The following NBEA variants were observed in gnomAD, a reference collection of about 807,000 sequenced individuals.
NBEA encodes the protein lysosomal-trafficking regulator 2.
In NBEA, 44 loss-of-function variants were observed where a neutral mutation model predicts 343.4. That is an observed-to-expected ratio of 0.13 (90% CI 0.10 to 0.16). The LOEUF (loss-of-function observed/expected upper bound fraction) is 0.16, where lower values mean the gene tolerates loss of function less well. NBEA is among the 10% of genes least tolerant of loss of function. NBEA has a pLI of 1.00. For missense variants in NBEA, 2,555 were observed against 3,631.3 expected (o/e 0.70, Z 7.62); for synonymous variants, 1,175 against 1,238.7 (o/e 0.95, Z 1.08).
intron 35 of NBEA, among the ~76,000 whole-genome samples, chr13:35,292,979 T>C (rs1280931441): frequency 6.6e-6 from 1 of 151,992 alleles, no homozygotes; most frequent in Non-Finnish European, 1.5e-5. Flanking sequence ...TTTTCTTTGC[T>C]ACAACACATT....
intron 23 of NBEA, 83 bp downstream of exon 23, chr13:35,162,050 A>G (rs932433981): frequency 1.3e-5 from 15 of 1,144,138 alleles, no homozygotes; most frequent in Non-Finnish European, 1.7e-5. Flanking sequence ...GACAAAACCA[A>G]AAATCTGCCT....
chr13:35,142,667 T>G (rs1458140663), intron 18 of NBEA, among the ~76,000 whole-genome samples: 1 of 152,194 alleles, frequency 6.6e-6, no homozygotes, highest in Admixed American at 6.5e-5. Context: ...ATCCGTTATG[T>G]AGTATTAGTT....
chr13:35,551,927 C>A (rs926357936), intron 43 of NBEA, among the ~76,000 whole-genome samples: 2 of 152,186 alleles, frequency 1.3e-5, no homozygotes, highest in African/African-American at 4.8e-5. Flanking sequence ...AATACAGTCA[C>A]CTTCCCATTC....
At chr13:35,574,380 C>CAAAAAAAAA (rs1313695369) in intron 45 of NBEA, among the ~76,000 whole-genome samples, 32 of 124,322 alleles carry the variant, frequency 2.6e-4, no homozygotes, top group African/African-American at 4.9e-4. Context: ...TATACACTAT[C>CAAAAAAAAA]AAAAAAAAAG....
At chr13:35,269,335 T>C (rs924496748) in intron 34 of NBEA, among the ~76,000 whole-genome samples, 2 of 152,080 alleles carry the variant, frequency 1.3e-5, no homozygotes, top group African/African-American at 2.4e-5. Flanking sequence ...CTGAACTAAT[T>C]GGTATCTAGG....
intron 1 of NBEA, among the ~76,000 whole-genome samples, chr13:34,943,426 G>C (rs941440929): frequency 6.6e-6 from 1 of 151,932 alleles, no homozygotes; most frequent in African/African-American, 2.4e-5. Context: ...CGACTTTAGA[G>C]TTTAGTTAGG....
At chr13:35,050,054 A>G (rs2063010659) in intron 5 of NBEA, among the ~76,000 whole-genome samples, 3 of 151,892 alleles carry the variant, frequency 2.0e-5, no homozygotes, top group Non-Finnish European at 4.4e-5. Flanking sequence ...TTGAAATACT[A>G]AAAGCTGTCA....
intron 10 of NBEA, among the ~76,000 whole-genome samples, chr13:35,071,645 A>T (rs1440167433): frequency 6.6e-6 from 1 of 151,918 alleles, no homozygotes; most frequent in Non-Finnish European, 1.5e-5. Context: ...GTAGTGCTTC[A>T]TTAGTGTATA....
At chr13:35,105,549 T>C (rs1323544838) in intron 11 of NBEA, among the ~76,000 whole-genome samples, 8 of 152,024 alleles carry the variant, frequency 5.3e-5, no homozygotes, top group African/African-American at 1.9e-4. Context: ...AGCGAGCTCA[T>C]TTCTGTCAAT....
At chr13:35,210,625 A>G (rs148349627) in intron 32 of NBEA, among the ~76,000 whole-genome samples, 272 of 152,304 alleles carry the variant, frequency 1.8e-3, no homozygotes, top group Middle Eastern at 6.8e-3. Context: ...CAAAAGGAGC[A>G]TTAGATGCTT....
rs1188322335 is a variant in NBEA at position 35,641,310 on chromosome 13, C to T, written c.7618-4559C>T. Among the ~76,000 whole-genome samples, 4 of 152,130 alleles carry T rather than the reference C, an allele frequency of 2.6e-5. No homozygotes were observed. The East Asian group carries it at 7.7e-4, about 29-fold the overall frequency. ...AAACTTACTCCTACCCTATGACTCA[C>T]CAATCCCATATCTAGGTATAGACCC... On this transcript the variant is annotated intron_variant, in intron 49 of 58. Coordinates refer to ENST00000379939, the MANE Select transcript of NBEA (RefSeq NM_001385012.1).
rs1460578963 is a variant in NBEA at position 35,606,513 on chromosome 13, G to C, written c.7384G>C (p.Val2462Leu). 1.2e-6 allele frequency: 2 copies of C among 1,607,388 alleles called. No homozygotes were observed. Among genetic ancestry groups the C allele is most frequent in the East Asian group, 4.5e-5 (2 of 44,684 alleles). The change falls in exon 48 of 59, where the codon GTA becomes CTA. Residue 2462 changes from valine to leucine, a missense_variant. Transcript: ENST00000379939. ...NLGVREDEVV[V>L]NDVDLPPWAK... Reference sequence around the variant, plus strand: ...TGGAGTCAGAGAAGATGAAGTAGTGGTAAATGATGTTGATCTTCCCCCTTG... The same window carrying C: ...TGGAGTCAGAGAAGATGAAGTAGTGCTAAATGATGTTGATCTTCCCCCTTG...
At chr13:35,460,195 A>G (rs900440103) in intron 40 of NBEA, among the ~76,000 whole-genome samples, 1 of 152,178 alleles carries the variant, frequency 6.6e-6, no homozygotes. Flanking sequence ...TTTTAAACCC[A>G]TGTGTATTTT....
chr13:35,422,684 A>G (rs1167009138), intron 38 of NBEA, among the ~76,000 whole-genome samples: 1 of 152,214 alleles, frequency 6.6e-6, no homozygotes, highest in East Asian at 1.9e-4. Flanking sequence ...TGGCTGGGTC[A>G]AATGGTATTT....
chr13:34,986,870 C>G (rs1462337283), intron 1 of NBEA, among the ~76,000 whole-genome samples: 2 of 150,728 alleles, frequency 1.3e-5, no homozygotes, highest in Admixed American at 1.3e-4. Flanking sequence ...TGCTTGGTAG[C>G]TCTTCCTCCA....
intron 48 of NBEA, among the ~76,000 whole-genome samples, chr13:35,625,920 G>C (rs370996377): frequency 3.3e-5 from 5 of 152,060 alleles, no homozygotes; most frequent in Admixed American, 1.3e-4. Flanking sequence ...GAGTGGGCAC[G>C]GATGACTCAC....
At chr13:35,601,786 G>GAA (rs762146297) in intron 47 of NBEA, among the ~76,000 whole-genome samples, 3 of 58,698 alleles carry the variant, frequency 5.1e-5, no homozygotes, top group Admixed American at 2.7e-4. Context: ...AAAAAAAAAA[G>GAA]AAAAAAAAAA....
chr13:35,347,028 TAGAA>T (rs1403047821), intron 36 of NBEA, among the ~76,000 whole-genome samples: 2 of 152,120 alleles, frequency 1.3e-5, no homozygotes, highest in African/African-American at 2.4e-5. Flanking sequence ...ACCTTGATAT[TAGAA>T]AGAACAAATA....
chr13:35,093,746 C>G (rs1475551565), intron 10 of NBEA, among the ~76,000 whole-genome samples: 1 of 151,942 alleles, frequency 6.6e-6, no homozygotes, highest in African/African-American at 2.4e-5. Context: ...TCCATATTTA[C>G]TATAGTGGTG....
Sources: gnomAD v4.1 joint callset for allele counts (sites outside exome capture counted in the v4.1 genomes callset) on GRCh38, gnomAD v4.1.1 for gene constraint, MANE v1.5 for transcripts, NCBI Gene and HGNC (gene_info 2026-07-23, HGNC 2026-07-21) for gene names.